HPSE2: variants seen among roughly 807,000 people sequenced by gnomAD.
HPSE2 encodes heparanase 2 (inactive), also known as inactive heparanase-2.
A neutral mutation model predicts 60.5 loss-of-function variants in HPSE2; 38 were observed. That is an observed-to-expected ratio of 0.63 (90% CI 0.48 to 0.82). HPSE2 has a LOEUF of 0.82. Ranked by LOEUF, HPSE2 falls within the 40% of genes least tolerant of loss-of-function variation. HPSE2 has a pLI of 0.00. For missense variants in HPSE2, 713 were observed against 740.4 expected, an observed-to-expected ratio of 0.96 and a Z score of 0.43; for synonymous variants, 295 against 293.2, an observed-to-expected ratio of 1.01 and a Z score of -0.06.
intron 3 of HPSE2, among the ~76,000 whole-genome samples, chr10:98,859,441 G>C (rs970822681): frequency 6.6e-6 from 1 of 152,192 alleles, no homozygotes; most frequent in Non-Finnish European, 1.5e-5. Flanking sequence ...TTAGAAAAGT[G>C]AGTGCAGAAA....
At chr10:98,966,340 A>C (rs1431456515) in intron 3 of HPSE2, among the ~76,000 whole-genome samples, 1 of 152,172 alleles carries the variant, frequency 6.6e-6, no homozygotes, top group Non-Finnish European at 1.5e-5. Context: ...TTGCAAAATA[A>C]AGGAGCTGAA....
At chr10:99,156,360 T>C (rs912826932) in intron 2 of HPSE2, among the ~76,000 whole-genome samples, 5 of 144,142 alleles carry the variant, frequency 3.5e-5, no homozygotes, top group African/African-American at 9.9e-5. Flanking sequence ...AACAAAATTC[T>C]GGCAAAACGA....
intron 9 of HPSE2, among the ~76,000 whole-genome samples, chr10:98,571,202 T>G (rs1348247888): frequency 6.6e-6 from 1 of 152,160 alleles, no homozygotes; most frequent in Non-Finnish European, 1.5e-5. Context: ...ACAATAATCC[T>G]GTGGATTAAG....
intron 9 of HPSE2, among the ~76,000 whole-genome samples, chr10:98,526,715 G>A (rs1288264329): frequency 6.6e-6 from 1 of 152,198 alleles, no homozygotes; most frequent in African/African-American, 2.4e-5. Flanking sequence ...ATGCAGGGTA[G>A]AGGCCTGGGG....
chr10:99,166,788 T>C (rs1589761949), intron 2 of HPSE2, among the ~76,000 whole-genome samples: 1 of 151,550 alleles, frequency 6.6e-6, no homozygotes, highest in Non-Finnish European at 1.5e-5. Flanking sequence ...AAATATTCCT[T>C]CCAAGCCGAG....
intron 3 of HPSE2, among the ~76,000 whole-genome samples, chr10:98,876,179 T>C (rs1218606995): frequency 1.3e-5 from 2 of 151,976 alleles, no homozygotes; most frequent in Non-Finnish European, 2.9e-5. Context: ...TGATAATGGT[T>C]TCCCATTATA....
chr10:98,586,873 T>C (rs143193772), intron 9 of HPSE2, among the ~76,000 whole-genome samples: 15 of 152,320 alleles, frequency 9.8e-5, no homozygotes, highest in African/African-American at 3.6e-4. Flanking sequence ...CGCAGAGGAA[T>C]AATGGTGGGC....
At chr10:99,043,247 G>A (rs1210446441) in intron 3 of HPSE2, among the ~76,000 whole-genome samples, 1 of 152,188 alleles carries the variant, frequency 6.6e-6, no homozygotes, top group Non-Finnish European at 1.5e-5. Context: ...CACTTTGGGA[G>A]GCCAAGGCGG....
At chr10:98,710,771 C>G (rs141001762) in intron 5 of HPSE2, among the ~76,000 whole-genome samples, 171 of 152,224 alleles carry the variant, frequency 1.1e-3, no homozygotes, top group African/African-American at 3.9e-3. Flanking sequence ...TTGTTATAAC[C>G]ATGCAGAGTT....
At chr10:99,172,087 G>A (rs1235866403) in intron 2 of HPSE2, among the ~76,000 whole-genome samples, 2 of 152,116 alleles carry the variant, frequency 1.3e-5, no homozygotes, top group Admixed American at 6.5e-5. Flanking sequence ...TTGTTACATG[G>A]ATATATTGTG....
chr10:99,115,438 G>C (rs949929361), intron 3 of HPSE2, among the ~76,000 whole-genome samples: 1 of 151,994 alleles, frequency 6.6e-6, no homozygotes, highest in African/African-American at 2.4e-5. Context: ...ACAGGTGTGA[G>C]CCACCACGCT....
intron 3 of HPSE2, among the ~76,000 whole-genome samples, chr10:98,986,953 A>G (rs1165429724): frequency 2.0e-5 from 3 of 152,156 alleles, no homozygotes; most frequent in African/African-American, 7.2e-5. Flanking sequence ...GAAGAAGCTG[A>G]GTCTCTGAAC....
chr10:98,485,879 G>A (rs1025478890), intron 10 of HPSE2, among the ~76,000 whole-genome samples: 1 of 150,510 alleles, frequency 6.6e-6, no homozygotes, highest in African/African-American at 2.4e-5. Context: ...TGAGCCCTTG[G>A]AGACTGCAGA....
intron 9 of HPSE2, among the ~76,000 whole-genome samples, chr10:98,503,443 G>A (rs1350375702): frequency 6.6e-6 from 1 of 152,114 alleles, no homozygotes; most frequent in Non-Finnish European, 1.5e-5. Context: ...AGCCACTATG[G>A]AAAACAGTGT....
chr10:99,305,953 T>TCG, the HPSE2 span, among the ~76,000 whole-genome samples: 9 of 24,812 alleles, frequency 3.6e-4, no homozygotes, highest in African/African-American at 1.3e-3. Context: ...ATATCCAAAC[T>TCG]CACACACACG....
In HPSE2 at chr10:98,671,377, A is replaced by T. The variant is rs542606626; in HGVS notation, c.1004+22523T>A. Among the ~76,000 whole-genome samples, 4 of 152,270 alleles carry T rather than the reference A, an allele frequency of 2.6e-5. No individual in the cohort carries two copies. The South Asian group carries it at 8.3e-4, about 32-fold the overall frequency. On this transcript the variant is annotated intron_variant, in intron 6 of 11. Transcript: ENST00000370552. The stretch of plus-strand genomic sequence containing the variant: ...AAGATCTATAAATTTGATTTAGTCC[A>T]TGCCTGAAAATTAGCACTCTATTAC...
chr10:99,136,089 C>T (rs968165115), intron 3 of HPSE2, among the ~76,000 whole-genome samples: 1 of 152,084 alleles, frequency 6.6e-6, no homozygotes, highest in African/African-American at 2.4e-5. Context: ...TACGAACTAC[C>T]ATCAGAGAAT....
intron 3 of HPSE2, among the ~76,000 whole-genome samples, chr10:99,097,746 T>C (rs1436931922): frequency 6.6e-6 from 1 of 152,222 alleles, no homozygotes; most frequent in Non-Finnish European, 1.5e-5. Context: ...TTTCACTTAA[T>C]CTAAACTATA....
chr10:98,801,170 A>T (rs1224409230), intron 3 of HPSE2, among the ~76,000 whole-genome samples: 1 of 152,176 alleles, frequency 6.6e-6, no homozygotes, highest in African/African-American at 2.4e-5. Flanking sequence ...TCCCTTCATG[A>T]TAAAACTGTC....
Sources: gnomAD v4.1 joint callset for allele counts (sites outside exome capture counted in the v4.1 genomes callset) on GRCh38, gnomAD v4.1.1 for gene constraint, MANE v1.5 for transcripts, NCBI Gene and HGNC (gene_info 2026-07-23, HGNC 2026-07-21) for gene names.